LNX1: variants seen among roughly 807,000 people sequenced by gnomAD.
The protein encoded by LNX1 is E3 ubiquitin-protein ligase LNX.
Under a neutral mutation model 68.4 loss-of-function variants are expected in LNX1, and 54 were observed. The ratio of observed to expected loss-of-function variants is 0.79; its 90% CI spans 0.63 to 0.99. The LOEUF (loss-of-function observed/expected upper bound fraction) is 0.99, where lower values mean the gene tolerates loss of function less well. Ranked by LOEUF, LNX1 falls within the 50% of genes least tolerant of loss-of-function variation. The pLI, the probability that LNX1 is intolerant of heterozygous loss-of-function variation, is 0.00. For missense variants in LNX1, 906 were observed against 926.4 expected, an observed-to-expected ratio of 0.98 and a Z score of 0.29; for synonymous variants, 336 against 350.0, an observed-to-expected ratio of 0.96 and a Z score of 0.45.
chr4:53,581,046 T>C (rs1424027513), intron 1 of LNX1, among the ~76,000 whole-genome samples: 4 of 152,072 alleles, frequency 2.6e-5, no homozygotes, highest in Admixed American at 2.6e-4. Context: ...GGAGAGGCAA[T>C]GGGAGGAAAT....
intron 6 of LNX1, among the ~76,000 whole-genome samples, chr4:53,491,744 A>C (rs1303951400): frequency 2.6e-5 from 4 of 152,064 alleles, no homozygotes; most frequent in South Asian, 4.1e-4. Context: ...AATATTTATC[A>C]AGTGCCTACT....
At chr4:53,473,473 AAAG>A (rs1460189094) in intron 9 of LNX1, among the ~76,000 whole-genome samples, 2 of 152,226 alleles carry the variant, frequency 1.3e-5, no homozygotes, top group Non-Finnish European at 2.9e-5. Context: ...ATGCAGTCAT[AAAG>A]AAGAACAAGA....
intron 1 of LNX1, among the ~76,000 whole-genome samples, chr4:53,585,733 C>G (rs1488238727): frequency 6.6e-6 from 1 of 152,124 alleles, no homozygotes; most frequent in Admixed American, 6.5e-5. Flanking sequence ...CTGAAAGAGA[C>G]CAGAGAAGAC....
chr4:53,597,844 C>T (rs894462260), intron 2 of LNX1, among the ~76,000 whole-genome samples: 2 of 152,192 alleles, frequency 1.3e-5, no homozygotes, highest in African/African-American at 2.4e-5. Flanking sequence ...AAGGGGTCCT[C>T]CTTGAATACT....
At chr4:53,522,452 A>G (rs1306122235) in intron 2 of LNX1, among the ~76,000 whole-genome samples, 1 of 152,240 alleles carries the variant, frequency 6.6e-6, no homozygotes, top group Non-Finnish European at 1.5e-5. Context: ...GAAATAAAGC[A>G]GACAGGCAAA....
chr4:53,590,396 G>T (rs1211079437), intron 1 of LNX1, among the ~76,000 whole-genome samples: 2 of 152,156 alleles, frequency 1.3e-5, no homozygotes, highest in Admixed American at 6.5e-5. Context: ...GAAGTGTCTC[G>T]CAGATTTATT....
intron 2 of LNX1, among the ~76,000 whole-genome samples, chr4:53,546,097 G>C (rs1362969483): frequency 2.0e-5 from 3 of 152,180 alleles, no homozygotes; most frequent in African/African-American, 4.8e-5. Context: ...ATGAGCCACT[G>C]CACTGGGCCA....
intron 1 of LNX1, among the ~76,000 whole-genome samples, chr4:53,646,174 T>G (rs998750770): frequency 1.3e-5 from 2 of 152,180 alleles, no homozygotes; most frequent in African/African-American, 2.4e-5. Flanking sequence ...ATATTTCCCT[T>G]GTTCTTGATT....
At chr4:53,493,143 A>G (rs1035051552) in intron 6 of LNX1, among the ~76,000 whole-genome samples, 2 of 151,814 alleles carry the variant, frequency 1.3e-5, no homozygotes, top group African/African-American at 4.8e-5. Flanking sequence ...CTAATTTTGT[A>G]TTTTTAGTAG....
intron 1 of LNX1, chr4:53,575,674 C>T (rs946938620): frequency 1.4e-5 from 19 of 1,385,720 alleles, no homozygotes; most frequent in East Asian, 2.5e-5. Flanking sequence ...CATCTGGGAC[C>T]CACCCCCTGG....
chr4:53,614,701 C>A (rs1055224852), intron 2 of LNX1, among the ~76,000 whole-genome samples: 6 of 152,176 alleles, frequency 3.9e-5, no homozygotes, highest in Non-Finnish European at 8.8e-5. Context: ...ATTTGAGATA[C>A]CTTTGGTCAG....
chr4:53,568,733 C>T (rs889179380), intron 2 of LNX1, among the ~76,000 whole-genome samples: 6 of 151,970 alleles, frequency 3.9e-5, no homozygotes, highest in African/African-American at 1.2e-4. Context: ...TCCCTGTTTG[C>T]AGATGACATG....
At position 53,573,730 on chromosome 4, in the gene LNX1, GCTGGA is replaced by G; in HGVS notation, c.268_272del (p.Ser90HisfsTer28). The G allele has an allele frequency of 6.2e-7, 1 of 1,611,362 alleles. No homozygotes were observed. Among genetic ancestry groups the G allele is most frequent in the Non-Finnish European group, 8.5e-7 (1 of 1,178,844 alleles). ...TGTTGAGGAGTTTGTTGACCAGGAT[GCTGGA>G]CTTCTTGCAGTGCTGCAGAACCAGA... On this transcript the variant is annotated frameshift_variant, in exon 2 of 11. Coordinates refer to ENST00000263925, the MANE Select transcript of LNX1 (RefSeq NM_001126328.3). LOFTEE classifies it high-confidence loss of function.
chr4:53,544,245 A>T (rs1331512026), intron 2 of LNX1, among the ~76,000 whole-genome samples: 4 of 150,876 alleles, frequency 2.7e-5, no homozygotes, highest in Non-Finnish European at 5.9e-5. Context: ...CCCAGGCTGG[A>T]GTGCAGTGGT....
intron 2 of LNX1, among the ~76,000 whole-genome samples, chr4:53,609,149 G>A (rs545871093): frequency 5.3e-5 from 8 of 152,040 alleles, no homozygotes; most frequent in Non-Finnish European, 1.2e-4. Context: ...ACAAAAACAA[G>A]CAATGGGGAA....
At chr4:53,568,948 C>T (rs1477325082) in intron 2 of LNX1, among the ~76,000 whole-genome samples, 1 of 151,908 alleles carries the variant, frequency 6.6e-6, no homozygotes, top group East Asian at 1.9e-4. Flanking sequence ...AGGAATCCAT[C>T]TTACAAGGGA....
intron 2 of LNX1, among the ~76,000 whole-genome samples, chr4:53,521,756 A>G (rs1727238954): frequency 6.6e-6 from 1 of 152,142 alleles, no homozygotes; most frequent in African/African-American, 2.4e-5. Flanking sequence ...TAAAATATTT[A>G]TTGGATAACT....
chr4:53,482,350 G>A (rs1158977670), intron 6 of LNX1, among the ~76,000 whole-genome samples: 1 of 152,172 alleles, frequency 6.6e-6, no homozygotes. Context: ...GCATAGGAAA[G>A]GTTTAGCACT....
chr4:53,512,310 G>A (rs1726406348), intron 2 of LNX1, among the ~76,000 whole-genome samples: 1 of 151,614 alleles, frequency 6.6e-6, no homozygotes, highest in Non-Finnish European at 1.5e-5. Flanking sequence ...AACACTGTGT[G>A]GTCCAAACAA....
Sources: allele counts gnomAD v4.1 joint callset (sites outside exome capture counted in the v4.1 genomes callset), GRCh38; gene constraint gnomAD v4.1.1; transcripts MANE v1.5; gene names NCBI Gene and HGNC (gene_info 2026-07-23, HGNC 2026-07-21).